MACROD2: variants seen among roughly 807,000 people sequenced by gnomAD.
MACROD2 encodes ADP-ribose glycohydrolase MACROD2.
In MACROD2, 36 loss-of-function variants were observed where a neutral mutation model predicts 70.4. The observed-to-expected ratio is 0.51, with a 90% CI of 0.39 to 0.68. The LOEUF (loss-of-function observed/expected upper bound fraction) is 0.68, where lower values mean the gene tolerates loss of function less well. MACROD2 is among the 30% of genes least tolerant of loss of function. The pLI, the probability that MACROD2 is intolerant of heterozygous loss-of-function variation, is 0.00. For synonymous variants in MACROD2, 172 were observed against 178.8 expected, an observed-to-expected ratio of 0.96 and a Z score of 0.30; for missense variants, 496 against 538.4, an observed-to-expected ratio of 0.92 and a Z score of 0.78.
intron 3 of MACROD2, among the ~76,000 whole-genome samples, chr20:14,124,652 C>T (rs1164952897): frequency 1.3e-5 from 2 of 152,004 alleles, no homozygotes; most frequent in African/African-American, 4.8e-5. Flanking sequence ...ATAAAAAGTG[C>T]TGCAGAGGAT....
chr20:15,775,037 G>A (rs77104183), intron 8 of MACROD2, among the ~76,000 whole-genome samples: 22 of 152,144 alleles, frequency 1.4e-4, no homozygotes, highest in Non-Finnish European at 2.6e-4. Flanking sequence ...CCATTCTGAC[G>A]GGCTGAGAAG....
intron 5 of MACROD2, among the ~76,000 whole-genome samples, chr20:15,144,462 T>A (rs1204243742): frequency 6.6e-6 from 1 of 152,234 alleles, no homozygotes; most frequent in East Asian, 1.9e-4. Context: ...ATTTGTCACA[T>A]AGTGACTTTG....
rs1355877259 is a variant in MACROD2, at chr20:14,849,843, A to G, written c.418+164884A>G. The stretch of plus-strand genomic sequence containing the variant: ...AAAGAGCAAGAGCAGACTGTAGCAG[A>G]TAAATGTCCCAATAAAAATAGGCTC... On this transcript the variant is annotated intron_variant, in intron 5 of 17. Transcript: ENST00000684519. The G allele has an allele frequency of 1.7e-5, 7 of 406,846 alleles. No homozygotes were observed. In the East Asian group the frequency reaches 2.4e-4, roughly 14 times the overall value. 25.2% of individuals were successfully genotyped at this position (406,846 alleles called of 1,614,324 possible).
intron 8 of MACROD2, among the ~76,000 whole-genome samples, chr20:15,675,084 C>T (rs561164287): frequency 7.9e-5 from 12 of 152,302 alleles, no homozygotes; most frequent in African/African-American, 2.9e-4. Flanking sequence ...GCCACCTCCT[C>T]ATTAGCTGTA....
At chr20:15,953,673 G>A (rs537967276) in intron 12 of MACROD2, among the ~76,000 whole-genome samples, 1 of 152,202 alleles carries the variant, frequency 6.6e-6, no homozygotes, top group East Asian at 1.9e-4. Context: ...GTATGTTTCA[G>A]GTTGTCTGCT....
chr20:14,439,524 A>G (rs914076787), intron 3 of MACROD2, among the ~76,000 whole-genome samples: 8 of 152,142 alleles, frequency 5.3e-5, no homozygotes, highest in African/African-American at 1.9e-4. Context: ...GTGTATGTAT[A>G]TAAGAAATTG....
chr20:15,036,945 T>C (rs972525529), intron 5 of MACROD2, among the ~76,000 whole-genome samples: 4 of 151,662 alleles, frequency 2.6e-5, no homozygotes, highest in Non-Finnish European at 4.4e-5. Context: ...ATATTTATAA[T>C]AGATAATTAT....
At chr20:14,575,062 C>T (rs1980505539) in intron 4 of MACROD2, among the ~76,000 whole-genome samples, 1 of 146,932 alleles carries the variant, frequency 6.8e-6, no homozygotes, top group Non-Finnish European at 1.5e-5. Context: ...AGTTTTTGGT[C>T]TCTGCACCCC....
chr20:15,878,426 A>G (rs965305708), intron 9 of MACROD2, among the ~76,000 whole-genome samples: 1 of 152,100 alleles, frequency 6.6e-6, no homozygotes, highest in African/African-American at 2.4e-5. Context: ...GATGCAATAG[A>G]TCTTGAGTGG....
intron 7 of MACROD2, among the ~76,000 whole-genome samples, chr20:15,475,648 G>T (rs985671305): frequency 6.6e-6 from 1 of 152,202 alleles, no homozygotes; most frequent in Non-Finnish European, 1.5e-5. Context: ...AGCCCTGGCC[G>T]CCTGCCACAC....
chr20:14,317,795 T>C (rs1190326352), intron 3 of MACROD2, among the ~76,000 whole-genome samples: 1 of 152,124 alleles, frequency 6.6e-6, no homozygotes, highest in East Asian at 1.9e-4. Flanking sequence ...CTTAATTTGC[T>C]TTTCTGAAAA....
At chr20:15,708,425 A>G (rs559366263) in intron 8 of MACROD2, among the ~76,000 whole-genome samples, 2 of 152,264 alleles carry the variant, frequency 1.3e-5, no homozygotes, top group South Asian at 4.1e-4. Flanking sequence ...TGAGGGAATT[A>G]GCCATGCAGG....
At chr20:15,587,442 A>G (rs1359051605) in intron 8 of MACROD2, among the ~76,000 whole-genome samples, 1 of 152,146 alleles carries the variant, frequency 6.6e-6, no homozygotes, top group African/African-American at 2.4e-5. Context: ...TTCAAAACCA[A>G]TCATGCCTTC....
intron 3 of MACROD2, among the ~76,000 whole-genome samples, chr20:14,151,698 C>A (rs1034634653): frequency 5.9e-5 from 9 of 151,266 alleles, no homozygotes; most frequent in Admixed American, 1.3e-4. Context: ...GGCAGTTATC[C>A]AAAAGTATTG....
chr20:14,460,266 G>A (rs2084353031), intron 3 of MACROD2, among the ~76,000 whole-genome samples: 1 of 152,074 alleles, frequency 6.6e-6, no homozygotes, highest in Non-Finnish European at 1.5e-5. Flanking sequence ...GGGTCAAATG[G>A]TATTTCTGGT....
At chr20:15,143,770 T>C (rs1252476068) in intron 5 of MACROD2, among the ~76,000 whole-genome samples, 1 of 151,996 alleles carries the variant, frequency 6.6e-6, no homozygotes, top group Non-Finnish European at 1.5e-5. Flanking sequence ...ATTTTTTTCT[T>C]TTTTATTGTT....
At chr20:15,757,621 G>A (rs1166961663) in intron 8 of MACROD2, among the ~76,000 whole-genome samples, 1 of 152,074 alleles carries the variant, frequency 6.6e-6, no homozygotes, top group African/African-American at 2.4e-5. Context: ...CAATAGACTG[G>A]GTGATCTAAA....
chr20:14,402,348 C>T (rs2083646602), intron 3 of MACROD2, among the ~76,000 whole-genome samples: 2 of 152,194 alleles, frequency 1.3e-5, no homozygotes, highest in African/African-American at 4.8e-5. Context: ...TGTATTTATC[C>T]CATTCATTTG....
intron 15 of MACROD2, among the ~76,000 whole-genome samples, chr20:15,992,708 C>G (rs17643681): frequency 0.012 from 1,833 of 152,316 alleles, 20 homozygotes; most frequent in Non-Finnish European, 0.018. Context: ...TACAGTTTAA[C>G]TTTGTATCAT....
Sources: allele counts gnomAD v4.1 joint callset (sites outside exome capture counted in the v4.1 genomes callset), GRCh38; gene constraint gnomAD v4.1.1; transcripts MANE v1.5; gene names NCBI Gene and HGNC (gene_info 2026-07-23, HGNC 2026-07-21).